Variants in FRMD4B observed in about 807,000 individuals in gnomAD.
FRMD4B encodes the protein FERM domain containing 4B, also known as FERM domain-containing protein 4B.
Under a neutral mutation model 141.5 loss-of-function variants are expected in FRMD4B, and 74 were observed. That is an observed-to-expected ratio of 0.52 (90% CI 0.43 to 0.63). The LOEUF (loss-of-function observed/expected upper bound fraction) is 0.63. Ranked by LOEUF, FRMD4B falls within the 30% of genes least tolerant of loss-of-function variation. The probability of loss-of-function intolerance (pLI) is 0.00; values close to 1 mark genes in which losing one functional copy is unlikely to be tolerated. For missense variants in FRMD4B, 1,366 were observed against 1,253.4 expected (o/e 1.09, Z -1.36); for synonymous variants, 506 against 467.9 (o/e 1.08, Z -1.05).
Position 69,293,175 on chromosome 3 carries a change from A to G in FRMD4B, c.417-5339T>C, listed in dbSNP as rs1183620218. ...AGCCCTGCCAGCCAGATGGCAACAC[A>G]TGGATGTCAAAGAGCACAACACCCA... On this transcript the variant is annotated intron_variant, in intron 4 of 22. Coordinates refer to ENST00000398540, the MANE Select transcript of FRMD4B (RefSeq NM_015123.3). 2.2e-5 allele frequency: 6 copies of G among 269,236 alleles called. No homozygotes were observed. In the East Asian group the frequency reaches 7.0e-4, roughly 31 times the overall value. The allele number at this position is 269,236 out of a possible 1,614,324, so 16.7% of individuals were successfully genotyped here.
At chr3:69,178,134 A>G (rs1014532489) in intron 21 of FRMD4B, among the ~76,000 whole-genome samples, 5 of 152,190 alleles carry the variant, frequency 3.3e-5, no homozygotes, top group Non-Finnish European at 7.3e-5. Flanking sequence ...ACCACACGCC[A>G]TGATACTCGT....
At chr3:69,254,408 C>G (rs1027069311) in intron 5 of FRMD4B, among the ~76,000 whole-genome samples, 1 of 152,094 alleles carries the variant, frequency 6.6e-6, no homozygotes, top group Non-Finnish European at 1.5e-5. Flanking sequence ...CGTACCCAGC[C>G]AAAACCCACA....
At chr3:69,424,954 A>G (rs927637679) in intron 2 of FRMD4B, among the ~76,000 whole-genome samples, 1 of 152,198 alleles carries the variant, frequency 6.6e-6, no homozygotes, top group African/African-American at 2.4e-5. Flanking sequence ...GACTTGAACT[A>G]TAACAGCCTT....
At chr3:69,337,968 A>G (rs1254744176) in intron 1 of FRMD4B, among the ~76,000 whole-genome samples, 3 of 152,238 alleles carry the variant, frequency 2.0e-5, no homozygotes, top group Non-Finnish European at 4.4e-5. Flanking sequence ...TATATACCCA[A>G]AGGATTATAA....
rs2092786687 is a variant in FRMD4B at position 69,187,833 on chromosome 3, A to G, written c.1856T>C (p.Ile619Thr). Residue 619 changes from isoleucine to threonine, a missense_variant, in exon 19 of 23, where the codon ATT becomes ACT. By Grantham distance (89) the Ile-to-Thr change is moderately conservative. Transcript: ENST00000398540. Reference sequence around the variant, plus strand: ...CGACTTTCTGAAATGGATTCGCTCAATACCAAGAGACTTGGGGGGAAGAAT... The same window carrying G: ...CGACTTTCTGAAATGGATTCGCTCAGTACCAAGAGACTTGGGGGGAAGAAT... Reference protein sequence around the residue: ...PRILPPKSLGIERIHFRKSSI... With the variant: ...PRILPPKSLGTERIHFRKSSI... 6 of 1,611,976 alleles carry G rather than the reference A, an allele frequency of 3.7e-6. No individual in the cohort carries two copies. Among genetic ancestry groups the G allele is most frequent in the Non-Finnish European group, 4.2e-6 (5 of 1,178,318 alleles).
intron 2 of FRMD4B, among the ~76,000 whole-genome samples, chr3:69,430,015 CCT>C (rs371276286): frequency 8.1e-4 from 124 of 152,158 alleles, no homozygotes; most frequent in African/African-American, 2.2e-3. Context: ...CCCACCTCAG[CCT>C]CCCAAAGTGC....
chr3:69,277,516 CTTTTTTTTTTTTTTTTT>C (rs55745266), intron 5 of FRMD4B, among the ~76,000 whole-genome samples: 2 of 60,438 alleles, frequency 3.3e-5, no homozygotes, highest in Non-Finnish European at 5.7e-5. Context: ...TTTCTTTCTG[CTTTTTTTTTTTTTTTTT>C]TTTTTTTTTT....
rs538066963 is a variant in FRMD4B, at chr3:69,418,158, C to T, written c.-1+14476G>A. Among the ~76,000 whole-genome samples the T allele has an allele frequency of 1.7e-3, 261 of 152,290 alleles. 11 individuals carry two copies. In the South Asian group the frequency reaches 0.052, roughly 31 times the overall value. On this transcript the variant is annotated intron_variant, in intron 2 of 5. Coordinates refer to the FRMD4B transcript ENST00000459638. ...ATCTTTGGGGCAATTATTTAACCTACTGAGGCCATCTTTTTCATCTCTAAA... is the reference window on the plus strand; with the variant it reads ...ATCTTTGGGGCAATTATTTAACCTATTGAGGCCATCTTTTTCATCTCTAAA...
chr3:69,376,507 A>G (rs1017769600), intron 1 of FRMD4B, among the ~76,000 whole-genome samples: 2 of 152,152 alleles, frequency 1.3e-5, no homozygotes, highest in East Asian at 1.9e-4. Context: ...AGTACCAGTT[A>G]AAGGAAAAAC....
chr3:69,177,627 GC>G (rs1158705791), intron 21 of FRMD4B, among the ~76,000 whole-genome samples: 8 of 152,190 alleles, frequency 5.3e-5, no homozygotes, highest in African/African-American at 1.9e-4. Context: ...TACAGCCTGG[GC>G]CACCAAGTGA....
At chr3:69,266,241 C>A (rs2093561387) in intron 5 of FRMD4B, among the ~76,000 whole-genome samples, 1 of 151,958 alleles carries the variant, frequency 6.6e-6, no homozygotes, top group South Asian at 2.1e-4. Flanking sequence ...TGAGGACAAG[C>A]CATAAGAACA....
chr3:69,319,882 T>A (rs1181444123), intron 1 of FRMD4B, among the ~76,000 whole-genome samples: 2 of 152,210 alleles, frequency 1.3e-5, no homozygotes, highest in African/African-American at 4.8e-5. Context: ...CCATTTTCGA[T>A]GGATCAGATG....
At chr3:69,219,326 A>C (rs551453872) in intron 9 of FRMD4B, among the ~76,000 whole-genome samples, 1 of 151,264 alleles carries the variant, frequency 6.6e-6, no homozygotes, top group South Asian at 2.1e-4. Flanking sequence ...TCCTGTTTTA[A>C]CGCAAGTAGA....
chr3:69,371,532 A>T (rs1437721564), intron 1 of FRMD4B, among the ~76,000 whole-genome samples: 2 of 152,202 alleles, frequency 1.3e-5, no homozygotes, highest in Non-Finnish European at 2.9e-5. Context: ...GGTGGGGTTG[A>T]GAAAACACTG....
intron 1 of FRMD4B, among the ~76,000 whole-genome samples, chr3:69,360,001 C>T (rs1459453303): frequency 1.3e-5 from 2 of 152,148 alleles, no homozygotes; most frequent in Non-Finnish European, 2.9e-5. Context: ...TTCCATTTGG[C>T]CATTGTAGAC....
At chr3:69,276,963 A>G (rs2093620836) in intron 5 of FRMD4B, among the ~76,000 whole-genome samples, 4 of 152,150 alleles carry the variant, frequency 2.6e-5, no homozygotes, top group Admixed American at 2.0e-4. Flanking sequence ...AAAAGATTCC[A>G]AGGGTATTGA....
intron 4 of FRMD4B, 89 bp from the exon 5 acceptor site, chr3:69,287,925 A>T (rs1246151034): frequency 1.6e-6 from 1 of 633,894 alleles, no homozygotes; most frequent in African/African-American, 1.9e-5. Flanking sequence ...CAGGGCAAGA[A>T]TTTTGAGAAA....
chr3:69,306,682 A>G (rs1041865755), intron 3 of FRMD4B: 1 of 152,180 alleles, frequency 6.6e-6, no homozygotes, highest in Non-Finnish European at 1.5e-5. Context: ...CACTGCTTTT[A>G]TTGCGTAATT....
intron 20 of FRMD4B, among the ~76,000 whole-genome samples, chr3:69,181,924 T>C (rs2092712509): frequency 6.6e-6 from 1 of 152,154 alleles, no homozygotes; most frequent in South Asian, 2.1e-4. Flanking sequence ...AGAAAAGAGC[T>C]GGCTTCTGTT....
Sources: allele counts gnomAD v4.1 joint callset (sites outside exome capture counted in the v4.1 genomes callset), GRCh38; gene constraint gnomAD v4.1.1; transcripts MANE v1.5; gene names NCBI Gene and HGNC (gene_info 2026-07-23, HGNC 2026-07-21).